Variants in AGBL4 observed in about 807,000 individuals in gnomAD.
AGBL4 encodes the protein cytosolic carboxypeptidase 6.
Under a neutral mutation model 66.4 loss-of-function variants are expected in AGBL4, and 58 were observed. The ratio of observed to expected loss-of-function variants is 0.87; its 90% CI spans 0.71 to 1.09. The LOEUF is 1.09. Ranked by LOEUF, AGBL4 falls within the 50% of genes least tolerant of loss-of-function variation. AGBL4 has a pLI of 0.00. For missense variants in AGBL4, 579 were observed against 631.0 expected (o/e 0.92, Z 0.88); for synonymous variants, 234 against 222.9 (o/e 1.05, Z -0.44).
At chr1:48,526,139 A>G in the AGBL4 span, among the ~76,000 whole-genome samples, 63 of 152,306 alleles carry the variant, frequency 4.1e-4, no homozygotes, top group Non-Finnish European at 7.3e-4. Flanking sequence ...AATCAGGCAA[A>G]ATGAGGTCAT....
intron 6 of AGBL4, among the ~76,000 whole-genome samples, chr1:48,730,668 G>C (rs1647966822): frequency 6.6e-6 from 1 of 152,148 alleles, no homozygotes; most frequent in Admixed American, 6.5e-5. Flanking sequence ...TGAACGAAAA[G>C]CTTCTCAGGT....
chr1:49,765,896 A>C (rs1001566521), intron 2 of AGBL4, among the ~76,000 whole-genome samples: 1 of 152,150 alleles, frequency 6.6e-6, no homozygotes, highest in Non-Finnish European at 1.5e-5. Context: ...AATGAAAAAA[A>C]ATGTTTTAAA....
chr1:48,665,773 TA>T (rs5774013), intron 6 of AGBL4, among the ~76,000 whole-genome samples: 91,470 of 151,876 alleles, frequency 0.6, 27,829 homozygotes, highest in Middle Eastern at 0.68. Flanking sequence ...CTTTTTCACT[TA>T]AAAAAAAATC....
intron 3 of AGBL4, among the ~76,000 whole-genome samples, chr1:49,602,260 T>G (rs1221465800): frequency 6.6e-6 from 1 of 152,138 alleles, no homozygotes; most frequent in Non-Finnish European, 1.5e-5. Context: ...TGTCAATTAG[T>G]TCAACCATTG....
At chr1:49,106,566 G>T (rs906185272) in intron 4 of AGBL4, among the ~76,000 whole-genome samples, 1 of 152,164 alleles carries the variant, frequency 6.6e-6, no homozygotes, top group Admixed American at 6.5e-5. Context: ...CCTAGGCATA[G>T]TTCACTGAAC....
intron 4 of AGBL4, among the ~76,000 whole-genome samples, chr1:49,108,364 T>C (rs1011290182): frequency 6.6e-6 from 1 of 151,980 alleles, no homozygotes; most frequent in Non-Finnish European, 1.5e-5. Flanking sequence ...ATTTAAATAA[T>C]AGGAAGTTTT....
In AGBL4 at chr1:49,640,692, G is replaced by A. The variant is rs565175801; in HGVS notation, c.282+56621C>T. The stretch of plus-strand genomic sequence containing the variant: ...AGGGATTTGCCTAGACCCCAAAGGA[G>A]ATCTCCATAGAAGGCCTTGGAGAGA... On this transcript the variant is annotated intron_variant, in intron 3 of 13. Transcript: ENST00000371839. Among the ~76,000 whole-genome samples, 3 of 152,276 alleles carry A rather than the reference G, an allele frequency of 2.0e-5. No individual in the cohort carries two copies. The East Asian group carries it at 5.8e-4, about 29-fold the overall frequency.
intron 1 of AGBL4, among the ~76,000 whole-genome samples, chr1:50,009,438 A>G (rs1661366889): frequency 6.6e-6 from 1 of 152,192 alleles, no homozygotes; most frequent in African/African-American, 2.4e-5. Context: ...ATTGATGCCA[A>G]AAAGAATTTG....
At chr1:49,770,579 T>G (rs1644026642) in intron 2 of AGBL4, among the ~76,000 whole-genome samples, 2 of 152,220 alleles carry the variant, frequency 1.3e-5, no homozygotes, top group South Asian at 4.1e-4. Flanking sequence ...TGGAAAAGTT[T>G]GAGAATAATT....
rs1379238170 is a variant in AGBL4, at chr1:49,205,901, T to C, written c.377+39869A>G. On this transcript the variant is annotated intron_variant, in intron 4 of 13. Transcript: ENST00000371839. ...TCTCCACAAACTTCCAGGGACCCAATATCTTCACATTAGGAGACAATTCTA... is the reference window on the plus strand; with the variant it reads ...TCTCCACAAACTTCCAGGGACCCAACATCTTCACATTAGGAGACAATTCTA... Among the ~76,000 whole-genome samples, 11 of 152,134 alleles carry C rather than the reference T, an allele frequency of 7.2e-5. No homozygotes were observed. The East Asian group carries it at 2.1e-3, about 29-fold the overall frequency.
intron 1 of AGBL4, among the ~76,000 whole-genome samples, chr1:49,978,904 A>G (rs1160881401): frequency 6.6e-6 from 1 of 152,220 alleles, no homozygotes; most frequent in Non-Finnish European, 1.5e-5. Context: ...AATAACATAC[A>G]GTTGGCCCTT....
chr1:49,565,098 A>T (rs1349324605), intron 3 of AGBL4, among the ~76,000 whole-genome samples: 1 of 152,062 alleles, frequency 6.6e-6, no homozygotes, highest in African/African-American at 2.4e-5. Flanking sequence ...GTTGGTTTAA[A>T]GTCTGTTTTT....
At chr1:49,254,934 T>C (rs779257455) in intron 3 of AGBL4, among the ~76,000 whole-genome samples, 6 of 152,162 alleles carry the variant, frequency 3.9e-5, no homozygotes, top group Non-Finnish European at 5.9e-5. Context: ...ATTAAACAAA[T>C]GGTGCTGGAA....
intron 3 of AGBL4, among the ~76,000 whole-genome samples, chr1:49,617,025 T>C (rs555035872): frequency 1.6e-4 from 25 of 152,170 alleles, no homozygotes; most frequent in Non-Finnish European, 2.8e-4. Context: ...GTAAATCAGA[T>C]GGTGCCACTC....
At chr1:48,698,100 A>G (rs1459899638) in intron 6 of AGBL4, among the ~76,000 whole-genome samples, 1 of 152,130 alleles carries the variant, frequency 6.6e-6, no homozygotes, top group African/African-American at 2.4e-5. Context: ...CACTGTACCC[A>G]GGCCATGGTG....
chr1:48,816,118 G>T (rs1646172267), intron 6 of AGBL4, among the ~76,000 whole-genome samples: 1 of 151,742 alleles, frequency 6.6e-6, no homozygotes, highest in African/African-American at 2.4e-5. Flanking sequence ...GAGACAGACA[G>T]ACACAGACAG....
chr1:49,331,612 C>T (rs1026366456), intron 3 of AGBL4, among the ~76,000 whole-genome samples: 5 of 152,190 alleles, frequency 3.3e-5, no homozygotes, highest in Non-Finnish European at 5.9e-5. Context: ...AGCCTGGCCT[C>T]CAGCCACCCG....
chr1:48,798,783 C>T (rs761419614), intron 6 of AGBL4, among the ~76,000 whole-genome samples: 4 of 152,180 alleles, frequency 2.6e-5, no homozygotes, highest in Non-Finnish European at 4.4e-5. Flanking sequence ...CTTTCCCCAC[C>T]CACTTTATGT....
intron 5 of AGBL4, among the ~76,000 whole-genome samples, chr1:48,977,454 C>T (rs1659429233): frequency 6.6e-6 from 1 of 152,082 alleles, no homozygotes; most frequent in African/African-American, 2.4e-5. Context: ...CAGTGTTTAA[C>T]ATATGATGCT....
Sources: allele counts gnomAD v4.1 joint callset (sites outside exome capture counted in the v4.1 genomes callset), GRCh38; gene constraint gnomAD v4.1.1; transcripts MANE v1.5; gene names NCBI Gene and HGNC (gene_info 2026-07-23, HGNC 2026-07-21).